Variants in PON3 observed in about 807,000 individuals in gnomAD.
The protein encoded by PON3 is serum paraoxonase/lactonase 3.
PON3 carries 37 observed loss-of-function variants against 36.3 expected under a neutral mutation model. The observed-to-expected ratio is 1.02, with a 90% CI of 0.78 to 1.34. The LOEUF (loss-of-function observed/expected upper bound fraction) is 1.34. Ranked by LOEUF, PON3 falls within the 40% of genes most tolerant of loss-of-function variation. The pLI is 0.00. For synonymous variants in PON3, 155 were observed against 154.8 expected (o/e 1.00, Z -0.01); for missense variants, 415 against 426.5 (o/e 0.97, Z 0.24).
chr7:95,363,350 CT>C (rs1399452700), intron 6 of PON3: 1 of 181,992 alleles, frequency 5.5e-6, no homozygotes, highest in East Asian at 1.5e-4. Context: ...TTTTTAAACA[CT>C]TTTTAAAAGT....
At position 95,372,360 on chromosome 7, in the gene PON3, T is replaced by G. The variant is rs760520546; in HGVS notation, c.202-22A>C. The G allele has an allele frequency of 1.3e-5, 21 of 1,610,332 alleles. No individual in the cohort carries two copies. In the South Asian group the frequency reaches 1.8e-4, roughly 13 times the overall value. The stretch of plus-strand genomic sequence containing the variant: ...ATCCCTTTTAAAAATAAAGAACAAG[T>G]GTGCACACATATACATATCAAAACA... On this transcript the variant is annotated intron_variant, in intron 3 of 8. Transcript: ENST00000265627.
At chr7:95,372,656 C>T (rs746354853) in intron 3 of PON3, among the ~76,000 whole-genome samples, 2 of 152,070 alleles carry the variant, frequency 1.3e-5, no homozygotes, top group African/African-American at 4.8e-5. Context: ...TTCACATGCC[C>T]GTACCTCACA....
intron 1 of PON3, among the ~76,000 whole-genome samples, chr7:95,395,465 T>C (rs1562779810): frequency 6.6e-6 from 1 of 152,204 alleles, no homozygotes; most frequent in African/African-American, 2.4e-5. Flanking sequence ...GTGGTTGCAC[T>C]GGGAGCAAAT....
At chr7:95,382,529 T>C (rs529658224) in intron 3 of PON3, among the ~76,000 whole-genome samples, 24 of 152,268 alleles carry the variant, frequency 1.6e-4, no homozygotes, top group African/African-American at 5.1e-4. Flanking sequence ...ATATCACCAC[T>C]GATCCCACAG....
intron 2 of PON3, among the ~76,000 whole-genome samples, chr7:95,393,378 T>C (rs1051546069): frequency 1.9e-4 from 29 of 152,040 alleles, no homozygotes. Flanking sequence ...GGAGATGAAT[T>C]TTGCAGCTGA....
chr7:95,372,368 C>A (rs773400277), intron 3 of PON3, 30 bp from the exon 4 acceptor site: 2 of 1,602,172 alleles, frequency 1.2e-6, no homozygotes, highest in Admixed American at 1.7e-5. Flanking sequence ...AGTGTGCACA[C>A]ATATACATAT....
intron 5 of PON3, 91 bp from the exon 6 acceptor site, chr7:95,364,154 T>C: frequency 4.0e-6 from 4 of 999,344 alleles, no homozygotes; most frequent in Non-Finnish European, 6.4e-6. Flanking sequence ...CATAGACTAA[T>C]ACGTTCATCA....
intron 2 of PON3, among the ~76,000 whole-genome samples, chr7:95,390,620 C>G (rs1809297441): frequency 6.6e-6 from 1 of 152,194 alleles, no homozygotes; most frequent in African/African-American, 2.4e-5. Context: ...ACAGGCCTCT[C>G]TGCCAAGCAT....
intron 3 of PON3, among the ~76,000 whole-genome samples, chr7:95,386,224 T>C (rs1809186839): frequency 6.6e-6 from 1 of 152,012 alleles, no homozygotes; most frequent in South Asian, 2.1e-4. Context: ...ACAAAATAGA[T>C]AGACCACTAG....
chr7:95,392,016 A>T (rs568705365), intron 2 of PON3, among the ~76,000 whole-genome samples: 58 of 152,344 alleles, frequency 3.8e-4, no homozygotes, highest in Non-Finnish European at 4.7e-4. Context: ...CAAGCAACTT[A>T]ATTCTTCTGT....
chr7:95,360,281 A>G, intron 8 of PON3, 150 bp from the exon 9 acceptor site: 1 of 823,048 alleles, frequency 1.2e-6, no homozygotes, highest in Non-Finnish European at 2.0e-6. Context: ...TTCTGATGAA[A>G]GTACTAATGT....
intron 3 of PON3, among the ~76,000 whole-genome samples, chr7:95,388,221 A>G (rs559393937): frequency 3.0e-4 from 45 of 152,332 alleles, no homozygotes; most frequent in African/African-American, 9.1e-4. Flanking sequence ...CAGAATCTAC[A>G]AGGAACTTAA....
chr7:95,394,548 G>A (rs1809387605), intron 2 of PON3, 96 bp downstream of exon 2: 1 of 1,080,136 alleles, frequency 9.3e-7, no homozygotes, highest in Middle Eastern at 2.3e-4. Context: ...GAGGGCTTAA[G>A]TAGTGACAGG....
At chr7:95,366,179 T>C (rs539093398) in intron 5 of PON3, among the ~76,000 whole-genome samples, 1 of 152,314 alleles carries the variant, frequency 6.6e-6, no homozygotes, top group Non-Finnish European at 1.5e-5. Context: ...GGCTGCACTT[T>C]CTGGGAGACT....
rs1051231812 is a variant in PON3 at position 95,396,335 on chromosome 7, C to T, written c.16G>A (p.Ala6Thr). The T allele has an allele frequency of 1.2e-6, 2 of 1,614,034 alleles. No homozygotes were observed. Among genetic ancestry groups the T allele is most frequent in the South Asian group, 1.1e-5 (1 of 91,076 alleles). ...AGGCCGACCCCCAGCAGGACCAGCG[C>T]CACGAGCTTCCCCATGGTCTCGGGG... MGKLV[A>T]LVLLGVGLSL... The change falls in exon 1 of 9, where the codon GCG becomes ACG. Residue 6 changes from alanine (A) to threonine (T), a missense_variant. Ala to Thr is a moderately conservative substitution (Grantham distance 58). Coordinates refer to ENST00000265627, the MANE Select transcript of PON3 (RefSeq NM_000940.3).
chr7:95,362,764 A>T lies in PON3; in HGVS notation c.773T>A (p.Leu258Gln), dbSNP rs767647372. 1.3e-5 allele frequency: 21 copies of T among 1,605,678 alleles called. No individual in the cohort carries two copies. The highest frequency in any genetic ancestry group is 1.8e-5 in the Non-Finnish European group (21 of 1,172,544). Residue 258 changes from leucine (L) to glutamine (Q), a missense_variant, in exon 7 of 9, where the codon CTG (leucine) becomes CAG (glutamine). By Grantham distance (113) the Leu-to-Gln change is moderately radical. Transcript: ENST00000265627. The stretch of plus-strand genomic sequence containing the variant: ...GGCCAGACAGGGTACTCTTACCTTC[A>T]GTTGAGTTAAATCCCAGTTATCATG... Reference protein sequence around the residue: ...EKHDNWDLTQLKVIQLGTLVD... With the variant: ...EKHDNWDLTQQKVIQLGTLVD...
intron 3 of PON3, among the ~76,000 whole-genome samples, chr7:95,377,033 C>T (rs73434607): frequency 0.029 from 4,417 of 152,312 alleles, 124 homozygotes; most frequent in African/African-American, 0.071. Flanking sequence ...AGGAACGGTA[C>T]GCTCCTGCCC....
At chr7:95,370,751 T>C (rs1041563921) in intron 4 of PON3, among the ~76,000 whole-genome samples, 5 of 152,224 alleles carry the variant, frequency 3.3e-5, no homozygotes, top group African/African-American at 1.2e-4. Context: ...AACTATTGTT[T>C]TTAAAGCATA....
At chr7:95,375,502 T>C (rs1808897504) in intron 3 of PON3, among the ~76,000 whole-genome samples, 1 of 152,002 alleles carries the variant, frequency 6.6e-6, no homozygotes, top group African/African-American at 2.4e-5. Context: ...TTGTTCAGAC[T>C]CTCTCTGCCA....
Sources: allele counts gnomAD v4.1 joint callset (sites outside exome capture counted in the v4.1 genomes callset), GRCh38; gene constraint gnomAD v4.1.1; transcripts MANE v1.5; gene names NCBI Gene and HGNC (gene_info 2026-07-23, HGNC 2026-07-21).